Variants in DOCK1 observed in about 807,000 individuals in gnomAD.
DOCK1 encodes dedicator of cytokinesis protein 1.
A neutral mutation model predicts 262.7 loss-of-function variants in DOCK1; 138 were observed. That is an observed-to-expected ratio of 0.53 (90% confidence interval 0.46 to 0.61). DOCK1 has a LOEUF of 0.61. Ranked by LOEUF, DOCK1 falls within the 20% of genes least tolerant of loss-of-function variation. The pLI is 0.00. For missense variants in DOCK1, 1,908 were observed against 2,370.7 expected, an observed-to-expected ratio of 0.80 and a Z score of 4.05; for synonymous variants, 866 against 867.4, an observed-to-expected ratio of 1.00 and a Z score of 0.03.
chr10:127,269,464 A>G (rs758832501), intron 29 of DOCK1, among the ~76,000 whole-genome samples: 92 of 152,346 alleles, frequency 6.0e-4, no homozygotes, highest in Middle Eastern at 3.4e-3. Flanking sequence ...GGATATTTGT[A>G]TATATTCAAA....
intron 48 of DOCK1, among the ~76,000 whole-genome samples, chr10:127,435,636 G>A (rs1490970662): frequency 2.0e-5 from 3 of 152,130 alleles, no homozygotes; most frequent in Non-Finnish European, 2.9e-5. Flanking sequence ...GGAACATAGG[G>A]GTTAGGGTGG....
At chr10:127,198,987 T>A (rs1485911522) in intron 27 of DOCK1, among the ~76,000 whole-genome samples, 1 of 150,854 alleles carries the variant, frequency 6.6e-6, no homozygotes, top group Admixed American at 6.6e-5. Flanking sequence ...CCCTCTTGCA[T>A]TTTTTTTTAA....
intron 38 of DOCK1, among the ~76,000 whole-genome samples, chr10:127,400,564 T>C (rs1287786564): frequency 2.6e-5 from 4 of 152,236 alleles, no homozygotes; most frequent in Admixed American, 6.5e-5. Context: ...CTGTGTGTCC[T>C]TGGCAAGCTA....
chr10:127,256,422 A>G (rs2059827031), intron 28 of DOCK1, among the ~76,000 whole-genome samples: 1 of 151,852 alleles, frequency 6.6e-6, no homozygotes, highest in Non-Finnish European at 1.5e-5. Flanking sequence ...TCATTTGGCA[A>G]TCCCTGACCA....
intron 1 of DOCK1, among the ~76,000 whole-genome samples, chr10:126,951,380 G>A (rs1342063330): frequency 1.3e-5 from 2 of 151,430 alleles, no homozygotes; most frequent in African/African-American, 4.8e-5. Context: ...GGTGGTGGTA[G>A]TATTGGTGAT....
At chr10:127,197,428 C>G (rs968692800) in intron 27 of DOCK1, among the ~76,000 whole-genome samples, 1 of 152,144 alleles carries the variant, frequency 6.6e-6, no homozygotes, top group African/African-American at 2.4e-5. Flanking sequence ...AGCAGCAGAC[C>G]CAGGGGCCCC....
intron 22 of DOCK1, among the ~76,000 whole-genome samples, chr10:127,058,017 C>T (rs1361133499): frequency 2.0e-5 from 3 of 151,964 alleles, no homozygotes; most frequent in African/African-American, 7.2e-5. Context: ...CAGGGTGGAT[C>T]AAAAAAGTGG....
chr10:127,023,422 C>CCTG, intron 14 of DOCK1, 98 bp downstream of exon 14: 1 of 1,473,224 alleles, frequency 6.8e-7, no homozygotes, highest in Non-Finnish European at 9.1e-7. Flanking sequence ...CAGGGTGGGG[C>CCTG]TTTGGAGTCC....
At chr10:127,179,602 G>C (rs1016350351) in intron 27 of DOCK1, among the ~76,000 whole-genome samples, 1 of 152,134 alleles carries the variant, frequency 6.6e-6, no homozygotes, top group Non-Finnish European at 1.5e-5. Context: ...TACTAAGGTG[G>C]ACACATCTTT....
In DOCK1 at chr10:127,379,979, G is replaced by A. The variant is rs2065737034; in HGVS notation, c.3676-103G>A. ...CTGATCCAAAGAGCTGGGTCCATTT[G>A]GCTGTGTTTGACACAAGATGAAGTA... On this transcript the variant is annotated intron_variant, in intron 35 of 51. Transcript: ENST00000623213. The A allele has an allele frequency of 1.8e-5, 14 of 784,668 alleles. 1 individual carries two copies. In the South Asian group the frequency reaches 2.2e-4, roughly 12 times the overall value. 48.6% of individuals were successfully genotyped at this position (784,668 alleles called of 1,614,324 possible).
At chr10:126,952,850 ATTG>A (rs1267198188) in intron 1 of DOCK1, among the ~76,000 whole-genome samples, 2 of 151,326 alleles carry the variant, frequency 1.3e-5, no homozygotes, top group South Asian at 4.2e-4. Flanking sequence ...TGTTGGTAGT[ATTG>A]TTGGTGATGT....
At chr10:127,286,842 T>C (rs545955533) in intron 29 of DOCK1, among the ~76,000 whole-genome samples, 2 of 152,144 alleles carry the variant, frequency 1.3e-5, no homozygotes, top group Admixed American at 1.3e-4. Flanking sequence ...CGATAATCTT[T>C]AGGTTGACAC....
At chr10:127,032,017 A>G (rs1776928641) in intron 17 of DOCK1, 120 bp from the exon 18 acceptor site, 1 of 1,254,868 alleles carries the variant, frequency 8.0e-7, no homozygotes, top group Non-Finnish European at 1.1e-6. Context: ...TAAAATGTGT[A>G]TTTAATATGA....
At chr10:127,361,572 G>A (rs1000044518) in intron 32 of DOCK1, among the ~76,000 whole-genome samples, 2 of 152,092 alleles carry the variant, frequency 1.3e-5, no homozygotes, top group Non-Finnish European at 2.9e-5. Flanking sequence ...ATTATTTACA[G>A]AGGTGTCAGA....
chr10:127,289,359 CTA>C (rs987412330), intron 29 of DOCK1, among the ~76,000 whole-genome samples: 1 of 152,148 alleles, frequency 6.6e-6, no homozygotes, highest in Non-Finnish European at 1.5e-5. Flanking sequence ...CACCTGTCCT[CTA>C]ATAATGGGCG....
chr10:127,081,503 C>A (rs2046896516), intron 23 of DOCK1, among the ~76,000 whole-genome samples: 1 of 151,994 alleles, frequency 6.6e-6, no homozygotes, highest in East Asian at 1.9e-4. Context: ...TACATGAAAT[C>A]CAACCCAAAG....
intron 44 of DOCK1, 119 bp from the exon 45 acceptor site, chr10:127,418,246 T>C: frequency 8.5e-7 from 1 of 1,174,122 alleles, no homozygotes; most frequent in Non-Finnish European, 1.2e-6. Context: ...AAATTCTGTT[T>C]GGAAGAAAGG....
chr10:127,114,017 A>T (rs1282099811), intron 25 of DOCK1, among the ~76,000 whole-genome samples: 1 of 152,190 alleles, frequency 6.6e-6, no homozygotes, highest in Non-Finnish European at 1.5e-5. Flanking sequence ...TAACCATCAC[A>T]GAGTATTTCT....
chr10:127,418,275 G>C (rs1057155936), intron 44 of DOCK1, 90 bp from the exon 45 acceptor site: 1 of 1,379,858 alleles, frequency 7.2e-7, no homozygotes. Context: ...GGAGCAGGAA[G>C]CCTGCCCCAG....
Sources: allele counts gnomAD v4.1 joint callset (sites outside exome capture counted in the v4.1 genomes callset), GRCh38; gene constraint gnomAD v4.1.1; transcripts MANE v1.5; gene names NCBI Gene and HGNC (gene_info 2026-07-23, HGNC 2026-07-21).